The following LRMDA variants were observed in gnomAD, a reference collection of about 807,000 sequenced individuals.
LRMDA encodes leucine-rich melanocyte differentiation-associated protein.
A neutral mutation model predicts 29.8 loss-of-function variants in LRMDA; 18 were observed. The observed-to-expected ratio is 0.60, with a 90% confidence interval of 0.42 to 0.90. LRMDA has a LOEUF of 0.90. Among genes scored for constraint, LRMDA ranks in the 40% least tolerant of loss-of-function variants. LRMDA has a pLI of 0.00. For missense variants in LRMDA, 273 were observed against 273.9 expected, an observed-to-expected ratio of 1.00 and a Z score of 0.02; for synonymous variants, 125 against 109.4, an observed-to-expected ratio of 1.14 and a Z score of -0.89.
chr10:75,657,196 A>T (rs1331545070), intron 2 of LRMDA, among the ~76,000 whole-genome samples: 2 of 152,246 alleles, frequency 1.3e-5, no homozygotes, highest in Admixed American at 6.5e-5. Flanking sequence ...ACCAACCAGC[A>T]TACAGAAAAC....
At chr10:75,554,218 C>T (rs1277202945) in intron 2 of LRMDA, among the ~76,000 whole-genome samples, 1 of 152,090 alleles carries the variant, frequency 6.6e-6, no homozygotes, top group African/African-American at 2.4e-5. Flanking sequence ...TAGTTTTCTG[C>T]ATCCTGAGAA....
At chr10:76,279,696 C>T (rs2132332288) in intron 5 of LRMDA, among the ~76,000 whole-genome samples, 1 of 152,110 alleles carries the variant, frequency 6.6e-6, no homozygotes, top group South Asian at 2.1e-4. Flanking sequence ...CAGGTGCCCA[C>T]CACCATACCC....
chr10:75,724,942 G>A (rs182728670), intron 2 of LRMDA, among the ~76,000 whole-genome samples: 7 of 152,220 alleles, frequency 4.6e-5, no homozygotes, highest in Middle Eastern at 3.4e-3. Context: ...CTCAAATATC[G>A]AATATGCACC....
chr10:76,406,937 T>A (rs2132503457), intron 6 of LRMDA, among the ~76,000 whole-genome samples: 1 of 152,314 alleles, frequency 6.6e-6, no homozygotes, highest in Non-Finnish European at 1.5e-5. Flanking sequence ...TCAGTACAGT[T>A]GAGCTACAGT....
chr10:75,464,022 G>A (rs1424303264), intron 2 of LRMDA, among the ~76,000 whole-genome samples: 2 of 152,084 alleles, frequency 1.3e-5, no homozygotes, highest in East Asian at 3.9e-4. Context: ...GGCTGGTCTC[G>A]AACTCTTGAC....
chr10:75,614,947 C>T (rs185085748), intron 2 of LRMDA, among the ~76,000 whole-genome samples: 76 of 152,278 alleles, frequency 5.0e-4, no homozygotes, highest in African/African-American at 1.8e-3. Flanking sequence ...TAGGTGCTCA[C>T]CAAGCCTAGA....
At chr10:76,263,357 A>G (rs887959840) in intron 5 of LRMDA, among the ~76,000 whole-genome samples, 11 of 152,218 alleles carry the variant, frequency 7.2e-5, no homozygotes, top group African/African-American at 2.4e-4. Flanking sequence ...GTTTACAGCA[A>G]TATGAAATTC....
At chr10:76,494,305 G>A (rs772869250) in intron 6 of LRMDA, among the ~76,000 whole-genome samples, 11 of 149,086 alleles carry the variant, frequency 7.4e-5, no homozygotes, top group East Asian at 2.0e-4. Context: ...TAAAATACAC[G>A]ATACTACTCA....
intron 2 of LRMDA, among the ~76,000 whole-genome samples, chr10:75,731,310 T>C (rs1842694056): frequency 6.6e-6 from 1 of 152,254 alleles, no homozygotes. Context: ...GAAGTCATCA[T>C]GCACCTTTGG....
chr10:76,025,216 G>A (rs908266270), intron 2 of LRMDA, among the ~76,000 whole-genome samples: 8 of 150,930 alleles, frequency 5.3e-5, no homozygotes, highest in Admixed American at 2.6e-4. Context: ...GGAAAGATTC[G>A]CTTTGAGGAG....
At chr10:76,009,796 A>C (rs1011615135) in intron 2 of LRMDA, among the ~76,000 whole-genome samples, 3 of 152,024 alleles carry the variant, frequency 2.0e-5, no homozygotes, top group Admixed American at 1.3e-4. Context: ...CTGCCGAGTC[A>C]TCAGTCCTGA....
intron 6 of LRMDA, among the ~76,000 whole-genome samples, chr10:76,375,240 T>C (rs1222508448): frequency 6.6e-6 from 1 of 152,092 alleles, no homozygotes; most frequent in Non-Finnish European, 1.5e-5. Context: ...ACCCAAGTTG[T>C]TGGATGTTAT....
intron 2 of LRMDA, among the ~76,000 whole-genome samples, chr10:76,010,569 C>T (rs1422405735): frequency 1.3e-5 from 2 of 152,200 alleles, no homozygotes; most frequent in African/African-American, 4.8e-5. Context: ...ACCTTGGCCT[C>T]CCAAAGTGCT....
chr10:76,321,199 A>G lies in LRMDA; in HGVS notation c.517-3202A>G, dbSNP rs114307497. 1.3e-3 allele frequency among the ~76,000 whole-genome samples: 193 copies of G among 152,320 alleles called. 1 individual carries two copies. The highest frequency in any genetic ancestry group is 4.5e-3 in the African/African-American group (186 of 41,578). ...CTGTGTGAGATTTTCCGTAGAGTAT[A>G]TATTTTAAGTGAAATTGCTGCACCA... On this transcript the variant is annotated intron_variant, in intron 5 of 6. Coordinates refer to ENST00000611255, the MANE Select transcript of LRMDA (RefSeq NM_001305581.2).
intron 2 of LRMDA, among the ~76,000 whole-genome samples, chr10:75,891,684 G>A (rs1044713781): frequency 1.3e-5 from 2 of 152,194 alleles, no homozygotes; most frequent in African/African-American, 4.8e-5. Flanking sequence ...CTGGTTGGTG[G>A]ATCAGAGTGT....
chr10:76,484,055 T>G (rs1308262028), intron 6 of LRMDA, among the ~76,000 whole-genome samples: 2 of 151,884 alleles, frequency 1.3e-5, no homozygotes, highest in African/African-American at 4.8e-5. Flanking sequence ...CATTTGCCGT[T>G]TTCATTGTCA....
intron 2 of LRMDA, among the ~76,000 whole-genome samples, chr10:75,938,966 C>T (rs1846342751): frequency 6.6e-6 from 1 of 152,170 alleles, no homozygotes; most frequent in Non-Finnish European, 1.5e-5. Context: ...CAGCGAACTG[C>T]AGAGCACTGG....
intron 2 of LRMDA, among the ~76,000 whole-genome samples, chr10:75,764,928 CGTGTGTGTGTGTGT>C (rs57422251): frequency 9.1e-5 from 13 of 142,768 alleles, no homozygotes; most frequent in African/African-American, 3.1e-4. Flanking sequence ...GCAAGAGACA[CGTGTGTGTGTGTGT>C]GTGTGTGTGT....
chr10:75,944,736 C>A (rs1846449373), intron 2 of LRMDA, among the ~76,000 whole-genome samples: 1 of 148,198 alleles, frequency 6.7e-6, no homozygotes, highest in Non-Finnish European at 1.5e-5. Flanking sequence ...ACATATATAT[C>A]TATATGTATA....
Sources: allele counts gnomAD v4.1 joint callset (sites outside exome capture counted in the v4.1 genomes callset), GRCh38; gene constraint gnomAD v4.1.1; transcripts MANE v1.5; gene names NCBI Gene and HGNC (gene_info 2026-07-23, HGNC 2026-07-21).